Variants in SIGLEC1 observed in about 807,000 individuals in gnomAD.
The protein encoded by SIGLEC1 is sialoadhesin.
A neutral mutation model predicts 148.0 loss-of-function variants in SIGLEC1; 132 were observed. The observed-to-expected ratio is 0.89, with a 90% CI of 0.77 to 1.03. The LOEUF (loss-of-function observed/expected upper bound fraction) is 1.03. SIGLEC1 is among the 50% of genes least tolerant of loss of function. SIGLEC1 has a pLI of 0.00. For missense variants in SIGLEC1, 2,253 were observed against 2,271.4 expected, an observed-to-expected ratio of 0.99 and a Z score of 0.16; for synonymous variants, 945 against 969.0, an observed-to-expected ratio of 0.98 and a Z score of 0.46.
chr20:3,711,022 GC>G lies in SIGLEC1; in HGVS notation c.-110+1447del, dbSNP rs149777161. ...TTGAGGGGACAGTGCCCCGCCCCCC[GC>G]CCCCCGCAACTTGGGTTGCAGCTGT... is the stretch of plus-strand genomic sequence containing the variant. On this transcript the variant is annotated intron_variant, in intron 1 of 21. Coordinates refer to ENST00000344754, the MANE Select transcript of SIGLEC1 (RefSeq NM_023068.4). Among the ~76,000 whole-genome samples, 161 of 152,232 alleles carry G rather than the reference GC, an allele frequency of 1.1e-3. 1 individual carries two copies. Among genetic ancestry groups the G allele is most frequent in the Non-Finnish European group, 1.8e-3 (119 of 67,988 alleles).
chr20:3,707,884 T>C (rs890696777), intron 1 of SIGLEC1, among the ~76,000 whole-genome samples: 1 of 152,242 alleles, frequency 6.6e-6, no homozygotes, highest in Admixed American at 6.5e-5. Flanking sequence ...TGAAACCTTA[T>C]TCAACCTTCA....
At chr20:3,696,448 T>TG (rs1555848055) in intron 11 of SIGLEC1, 138 bp downstream of exon 11, 2 of 623,898 alleles carry the variant, frequency 3.2e-6, no homozygotes, top group East Asian at 3.1e-5. Context: ...GGAGGCCTTC[T>TG]GCTGGCTGGA....
rs371097661 is a variant in SIGLEC1 at position 3,697,287 on chromosome 20, G to C, written c.2178C>G (p.Asn726Lys). The part of the protein sequence containing the change: ...SHTLQEGTEA[N>K]LTCNVSREAA... The stretch of plus-strand genomic sequence containing the variant: ...CTTCCCGGCTCACGTTGCAAGTCAA[G>C]TTGGCTTCTGTGCCCTCCTGAAGTG... The change falls in exon 10 of 22, where the codon AAC (asparagine) becomes AAG (lysine). Residue 726 changes from asparagine to lysine, a missense_variant. By Grantham distance (94) the Asn-to-Lys change is moderately conservative. Transcript: ENST00000344754. 6 of 1,614,004 alleles carry C rather than the reference G, an allele frequency of 3.7e-6. No homozygotes were observed. The highest frequency in any genetic ancestry group is 5.1e-6 in the Non-Finnish European group (6 of 1,180,032).
intron 1 of SIGLEC1, among the ~76,000 whole-genome samples, chr20:3,709,228 A>G (rs1204206728): frequency 6.6e-6 from 1 of 152,184 alleles, no homozygotes; most frequent in Non-Finnish European, 1.5e-5. Flanking sequence ...AAAAACCATG[A>G]AATCCAACTC....
At position 3,706,049 on chromosome 20, in the gene SIGLEC1, A is replaced by G. The variant is rs975880556; in HGVS notation, c.410-9T>C. 3.1e-6 allele frequency: 5 copies of G among 1,608,866 alleles called. No homozygotes were observed. The African/African-American group carries it at 6.7e-5, about 21-fold the overall frequency. On this transcript the variant is annotated splice_polypyrimidine_tract_variant and intron_variant, in intron 3 of 21. Coordinates refer to ENST00000344754, the MANE Select transcript of SIGLEC1 (RefSeq NM_023068.4). ...GGGCACCCTGGGCTCCTCTGAGGACAGAGACAGCAGTGCTCAGGACCCGCT... is the reference window on the plus strand; with the variant it reads ...GGGCACCCTGGGCTCCTCTGAGGACGGAGACAGCAGTGCTCAGGACCCGCT...
intron 2 of SIGLEC1, 90 bp downstream of exon 2, chr20:3,706,990 A>G: frequency 7.1e-7 from 1 of 1,400,754 alleles, no homozygotes; most frequent in South Asian, 1.2e-5. Flanking sequence ...CAGCAACCAA[A>G]CATGTGACCC....
chr20:3,706,276 T>C, intron 3 of SIGLEC1, 71 bp downstream of exon 3: 1 of 1,541,140 alleles, frequency 6.5e-7, no homozygotes, highest in Non-Finnish European at 8.7e-7. Flanking sequence ...GGGCTGGGGC[T>C]GAGAGCCAAG....
rs1214436902 is a variant in SIGLEC1 at position 3,689,617 on chromosome 20, C to T, written c.4980G>A (p.Gly1660=). The change falls in exon 20 of 22, where the codon GGG becomes GGA. Residue 1660 remains glycine, a synonymous_variant. Coordinates refer to ENST00000344754, the MANE Select transcript of SIGLEC1 (RefSeq NM_023068.4). ...AGACCCACCTCCAGGTGTAGCAGGC[C>T]CCCAGGCCCAACAGCAGGAGCAGGA... The part of the protein sequence containing the change: ...VGLLLLLLGL[G]ACYTWRRRRV... 3.8e-6 allele frequency: 6 copies of T among 1,583,042 alleles called. No individual in the cohort carries two copies. In the Admixed American group the frequency reaches 9.0e-5, roughly 24 times the overall value.
In SIGLEC1 at chr20:3,699,197, C is replaced by A. The variant is rs988164660; in HGVS notation, c.1786+5G>T. 1.2e-6 allele frequency: 2 copies of A among 1,607,612 alleles called. No homozygotes were observed. Among genetic ancestry groups the A allele is most frequent in the East Asian group, 4.5e-5 (2 of 44,746 alleles). On this transcript the variant is annotated splice_donor_5th_base_variant and intron_variant, in intron 8 of 21. Coordinates refer to ENST00000344754, the MANE Select transcript of SIGLEC1 (RefSeq NM_023068.4). ...AGGAGGCTGCAACAGGTGGTGGCTG[C>A]TCACAGAGCACAGTGAGAACAGCTG...
At chr20:3,698,876 G>A (rs1203337973) in intron 8 of SIGLEC1, among the ~76,000 whole-genome samples, 10 of 152,236 alleles carry the variant, frequency 6.6e-5, no homozygotes, top group Admixed American at 6.5e-4. Context: ...AGCCTGTGGG[G>A]CATGTGCACA....
At chr20:3,711,514 C>G (rs2087928718) in intron 1 of SIGLEC1, among the ~76,000 whole-genome samples, 1 of 152,006 alleles carries the variant, frequency 6.6e-6, no homozygotes, top group Non-Finnish European at 1.5e-5. Flanking sequence ...TTTCCTGACA[C>G]CAAGGCTTCT....
rs141457859 is a variant in SIGLEC1 at position 3,689,223 on chromosome 20, T to G, written c.5002A>C (p.Arg1668=). ...CCCATGCTCTGCTTACAAACACGCC[T>G]CCTTCTGCAAGGCCCGGAGTGGACT... is the stretch of plus-strand genomic sequence containing the variant. The part of the protein sequence containing the change: ...GLGACYTWRR[R]RVCKQSMGEN... Residue 1668 remains arginine (R), a synonymous_variant, in exon 21 of 22, where the codon AGG becomes CGG. Coordinates refer to ENST00000344754, the MANE Select transcript of SIGLEC1 (RefSeq NM_023068.4). 23 of 1,613,946 alleles carry G rather than the reference T, an allele frequency of 1.4e-5. No individual in the cohort carries two copies. Among genetic ancestry groups the G allele is most frequent in the Non-Finnish European group, 1.9e-5 (22 of 1,179,938 alleles).
At position 3,694,523 on chromosome 20, in the gene SIGLEC1, C is replaced by A; in HGVS notation, c.2954G>T (p.Arg985Leu). 6.4e-7 allele frequency: 1 copy of A among 1,559,918 alleles called. No homozygotes were observed. The highest frequency in any genetic ancestry group is 1.8e-5 in the Admixed American group (1 of 55,318). ...PISLHVSYAP[R>L]HVTLTTLMDT... ...CATCAGGGTAGTGAGTGTGACGTGG[C>A]GTGGGGCATCTACACAGGGTGGGGA... Residue 985 changes from arginine to leucine, a missense_variant, in exon 13 of 22, where the codon CGC (arginine) becomes CTC (leucine). Coordinates refer to ENST00000344754, the MANE Select transcript of SIGLEC1 (RefSeq NM_023068.4).
rs772497087 is a variant in SIGLEC1 at position 3,701,579 on chromosome 20, G to T, written c.1291C>A (p.Leu431Ile). The T allele has an allele frequency of 6.2e-6, 10 of 1,602,966 alleles. No individual in the cohort carries two copies. The Middle Eastern group carries it at 1.2e-3, about 186-fold the overall frequency. Residue 431 changes from leucine (L) to isoleucine (I), a missense_variant, in exon 7 of 22, where the codon CTT (leucine) becomes ATT (isoleucine). Coordinates refer to ENST00000344754, the MANE Select transcript of SIGLEC1 (RefSeq NM_023068.4). The part of the protein sequence containing the change: ...LETQAGLVGI[L>I]HCSVVSEPLA... Reference sequence around the variant, plus strand: ...GGCTCACTGACCACAGAGCAGTGAAGGATGCCCACAAGTCCCGCCTGGGTC... The same window carrying T: ...GGCTCACTGACCACAGAGCAGTGAATGATGCCCACAAGTCCCGCCTGGGTC...
At chr20:3,712,027 T>C (rs879879505) in intron 1 of SIGLEC1, among the ~76,000 whole-genome samples, 2 of 150,970 alleles carry the variant, frequency 1.3e-5, no homozygotes, top group Non-Finnish European at 3.0e-5. Flanking sequence ...AAGGTTGGAG[T>C]TGGGTGCAGG....
At chr20:3,690,509 C>T (rs1013838489) in intron 18 of SIGLEC1, among the ~76,000 whole-genome samples, 6 of 152,208 alleles carry the variant, frequency 3.9e-5, no homozygotes, top group African/African-American at 1.4e-4. Context: ...TGTGGGAAGC[C>T]CAGGCCAGCC....
chr20:3,707,046 C>A, intron 2 of SIGLEC1, 34 bp downstream of exon 2: 9 of 1,606,938 alleles, frequency 5.6e-6, no homozygotes, highest in Non-Finnish European at 7.7e-6. Flanking sequence ...AAGGCTGGAC[C>A]CTGGAAGACA....
chr20:3,698,746 G>A (rs1883258169), intron 8 of SIGLEC1, among the ~76,000 whole-genome samples: 1 of 152,198 alleles, frequency 6.6e-6, no homozygotes, highest in African/African-American at 2.4e-5. Context: ...CATGTGTCAG[G>A]GGAAGCCTCT....
chr20:3,699,928 A>G (rs1339389918), intron 7 of SIGLEC1, among the ~76,000 whole-genome samples: 5 of 113,014 alleles, frequency 4.4e-5, no homozygotes, highest in African/African-American at 1.3e-4. Flanking sequence ...CTCCTGCCTC[A>G]GCCTCCCAAG....
Sources: gnomAD v4.1 joint callset for allele counts (sites outside exome capture counted in the v4.1 genomes callset) on GRCh38, gnomAD v4.1.1 for gene constraint, MANE v1.5 for transcripts, NCBI Gene and HGNC (gene_info 2026-07-23, HGNC 2026-07-21) for gene names.